The following UGGT2 variants were observed in gnomAD, a reference collection of about 807,000 sequenced individuals.
UGGT2 encodes UDP-glucose glycoprotein glucosyltransferase 2.
A neutral mutation model predicts 192.1 loss-of-function variants in UGGT2; 180 were observed. The observed-to-expected ratio is 0.94, with a 90% CI of 0.83 to 1.06. The LOEUF (loss-of-function observed/expected upper bound fraction) is 1.06. UGGT2 is among the 50% of genes least tolerant of loss of function. The pLI, the probability that UGGT2 is intolerant of heterozygous loss-of-function variation, is 0.00. For missense variants in UGGT2, 1,849 were observed against 1,795.7 expected, an observed-to-expected ratio of 1.03 and a Z score of -0.54; for synonymous variants, 580 against 591.0, an observed-to-expected ratio of 0.98 and a Z score of 0.27.
At chr13:95,930,227 G>A (rs2049200842) in intron 17 of UGGT2, among the ~76,000 whole-genome samples, 1 of 152,108 alleles carries the variant, frequency 6.6e-6, no homozygotes, top group Non-Finnish European at 1.5e-5. Flanking sequence ...TAGGCTGTCT[G>A]TTTACTCTGT....
chr13:95,882,597 A>C (rs2047524889), intron 27 of UGGT2, among the ~76,000 whole-genome samples: 1 of 152,154 alleles, frequency 6.6e-6, no homozygotes, highest in African/African-American at 2.4e-5. Flanking sequence ...TAGAATTTAT[A>C]ATCTCCTTTT....
intron 2 of UGGT2, among the ~76,000 whole-genome samples, chr13:96,029,625 A>G (rs1442407856): frequency 2.0e-5 from 3 of 152,156 alleles, no homozygotes; most frequent in Non-Finnish European, 1.5e-5. Context: ...TCAACCCTGA[A>G]AACACTTGAA....
chr13:96,004,314 T>C (rs1388365360), intron 5 of UGGT2, among the ~76,000 whole-genome samples: 2 of 152,196 alleles, frequency 1.3e-5, no homozygotes, highest in African/African-American at 2.4e-5. Context: ...ATCAGGGTAT[T>C]TGGGATATCT....
At chr13:95,926,375 ACT>A (rs1183956415) in intron 19 of UGGT2, among the ~76,000 whole-genome samples, 1 of 152,080 alleles carries the variant, frequency 6.6e-6, no homozygotes, top group Non-Finnish European at 1.5e-5. Flanking sequence ...TGTTTAATGA[ACT>A]CTCACTGTTA....
rs754929562 is a variant in UGGT2, at chr13:95,867,319, A to G, written c.3558+20T>C. On this transcript the variant is annotated intron_variant, in intron 30 of 38. Transcript: ENST00000376747. ...TTAATATTAAGAACAAAGCCTATAAAAAGTTCTGCCCCCACATACTTTTAC... is the reference window on the plus strand; with the variant it reads ...TTAATATTAAGAACAAAGCCTATAAGAAGTTCTGCCCCCACATACTTTTAC... 1 of 1,576,934 alleles carries G rather than the reference A, an allele frequency of 6.3e-7. No homozygotes were observed. Among genetic ancestry groups the G allele is most frequent in the East Asian group, 2.3e-5 (1 of 43,984 alleles).
intron 27 of UGGT2, among the ~76,000 whole-genome samples, chr13:95,883,682 G>A (rs138659760): frequency 7.6e-4 from 116 of 152,146 alleles, no homozygotes; most frequent in African/African-American, 2.6e-3. Context: ...GCTTCTGGAG[G>A]CCTCCCTAGC....
At chr13:95,823,167 C>T (rs976191837) in intron 38 of UGGT2, among the ~76,000 whole-genome samples, 2 of 152,084 alleles carry the variant, frequency 1.3e-5, no homozygotes, top group Non-Finnish European at 2.9e-5. Context: ...GATATGATCT[C>T]GACTTTCTTA....
chr13:95,922,866 A>G (rs2048891322), intron 20 of UGGT2, among the ~76,000 whole-genome samples: 1 of 152,176 alleles, frequency 6.6e-6, no homozygotes, highest in African/African-American at 2.4e-5. Flanking sequence ...AAAAAATTTA[A>G]AAAAAGAAAC....
chr13:96,036,418 C>A (rs1018702546), intron 1 of UGGT2, among the ~76,000 whole-genome samples: 1 of 152,012 alleles, frequency 6.6e-6, no homozygotes. Flanking sequence ...TGCAAGGGGA[C>A]GGAGAGCACC....
chr13:95,966,960 G>A (rs1004282910), intron 12 of UGGT2, among the ~76,000 whole-genome samples: 3 of 151,914 alleles, frequency 2.0e-5, no homozygotes, highest in Non-Finnish European at 2.9e-5. Flanking sequence ...AATAATACTC[G>A]ATTGTGTGAA....
chr13:95,940,928 C>T (rs1253910185), intron 15 of UGGT2, among the ~76,000 whole-genome samples: 1 of 152,112 alleles, frequency 6.6e-6, no homozygotes, highest in Admixed American at 6.6e-5. Context: ...TTTCTCTGCA[C>T]CTCTACTCTT....
intron 38 of UGGT2, among the ~76,000 whole-genome samples, chr13:95,815,952 T>G (rs1884844693): frequency 6.6e-6 from 1 of 152,084 alleles, no homozygotes; most frequent in African/African-American, 2.4e-5. Flanking sequence ...TAGTGTGAGA[T>G]CTGGTTGTTT....
chr13:95,860,936 T>A lies in UGGT2; in HGVS notation c.3645-53A>T, dbSNP rs1282879766. ...CTTAAACATACATATGGAAACATTG[T>A]ATGCCTAAATAGTAAATATAAGCAA... On this transcript the variant is annotated intron_variant, in intron 31 of 38. Transcript: ENST00000376747. The A allele has an allele frequency of 7.9e-6, 8 of 1,014,806 alleles. No homozygotes were observed. In the Middle Eastern group the frequency reaches 8.7e-4, roughly 110 times the overall value. The allele number at this position is 1,014,806 out of a possible 1,614,324, so 62.9% of individuals were successfully genotyped here.
At chr13:96,038,002 A>G (rs1217297050) in intron 1 of UGGT2, among the ~76,000 whole-genome samples, 2 of 152,234 alleles carry the variant, frequency 1.3e-5, no homozygotes, top group African/African-American at 4.8e-5. Context: ...AGGTATAGAG[A>G]GAAAGATTTT....
intron 20 of UGGT2, among the ~76,000 whole-genome samples, chr13:95,916,107 T>A (rs1354756209): frequency 6.6e-6 from 1 of 152,120 alleles, no homozygotes; most frequent in African/African-American, 2.4e-5. Flanking sequence ...CTGCATAAGA[T>A]CTCACAACAA....
At chr13:95,823,957 G>A (rs183928786) in intron 38 of UGGT2, among the ~76,000 whole-genome samples, 143 of 152,114 alleles carry the variant, frequency 9.4e-4, no homozygotes, top group African/African-American at 3.2e-3. Flanking sequence ...CTATAGTGCT[G>A]GTTTGGTAGT....
chr13:95,910,662 C>A (rs71433101), intron 20 of UGGT2, among the ~76,000 whole-genome samples: 20,220 of 152,094 alleles, frequency 0.13, 1,553 homozygotes, highest in Middle Eastern at 0.2. Flanking sequence ...ACCCCACTGT[C>A]AATATTAGAC....
chr13:96,023,366 A>T (rs1401229013), intron 3 of UGGT2, among the ~76,000 whole-genome samples: 11 of 152,156 alleles, frequency 7.2e-5, no homozygotes, highest in Non-Finnish European at 1.0e-4. Flanking sequence ...ATAGTTATTG[A>T]AAAAATTCTA....
chr13:95,985,439 G>C, intron 9 of UGGT2: 1 of 310,002 alleles, frequency 3.2e-6, no homozygotes, highest in Non-Finnish European at 6.1e-6. Context: ...CAAAATTAAA[G>C]AATACATATA....
Sources: gnomAD v4.1 joint callset for allele counts (sites outside exome capture counted in the v4.1 genomes callset) on GRCh38, gnomAD v4.1.1 for gene constraint, MANE v1.5 for transcripts, NCBI Gene and HGNC (gene_info 2026-07-23, HGNC 2026-07-21) for gene names.